The following GALNTL6 variants were observed in gnomAD, a reference collection of about 807,000 sequenced individuals.
GALNTL6 encodes the protein polypeptide N-acetylgalactosaminyltransferase like 6.
Under a neutral mutation model 73.7 loss-of-function variants are expected in GALNTL6, and 46 were observed. The ratio of observed to expected loss-of-function variants is 0.62; its 90% CI spans 0.49 to 0.80. GALNTL6 has a LOEUF of 0.80. Ranked by LOEUF, GALNTL6 falls within the 30% of genes least tolerant of loss-of-function variation. GALNTL6 has a pLI of 0.00. For missense variants in GALNTL6, 604 were observed against 755.0 expected (o/e 0.80, Z 2.34); for synonymous variants, 259 against 263.7 (o/e 0.98, Z 0.17).
At chr4:172,883,527 A>C (rs1485854778) in intron 8 of GALNTL6, among the ~76,000 whole-genome samples, 1 of 152,130 alleles carries the variant, frequency 6.6e-6, no homozygotes, top group Non-Finnish European at 1.5e-5. Flanking sequence ...ACACTTTTAA[A>C]CAACCAGATC....
chr4:171,953,268 GAA>G (rs1293166898), intron 2 of GALNTL6, among the ~76,000 whole-genome samples: 1 of 148,304 alleles, frequency 6.7e-6, no homozygotes, highest in Non-Finnish European at 1.5e-5. Context: ...GTGTGTGTAA[GAA>G]AAAAGAGTCA....
chr4:172,628,418 T>C (rs927751535), intron 5 of GALNTL6, among the ~76,000 whole-genome samples: 6 of 152,150 alleles, frequency 3.9e-5, no homozygotes, highest in African/African-American at 1.2e-4. Flanking sequence ...GGATTAAATT[T>C]TTTATCAAGT....
chr4:171,925,192 G>A (rs888655095), intron 2 of GALNTL6, among the ~76,000 whole-genome samples: 1 of 152,146 alleles, frequency 6.6e-6, no homozygotes, highest in Non-Finnish European at 1.5e-5. Context: ...CAGGAATCAG[G>A]TACTGGAGAG....
chr4:172,191,076 A>G (rs1735567148), intron 2 of GALNTL6, among the ~76,000 whole-genome samples: 1 of 152,232 alleles, frequency 6.6e-6, no homozygotes. Context: ...GCAACTCAGA[A>G]GAGATGTCTT....
chr4:172,037,057 A>G (rs1031557804), intron 2 of GALNTL6, among the ~76,000 whole-genome samples: 1 of 152,064 alleles, frequency 6.6e-6, no homozygotes, highest in Non-Finnish European at 1.5e-5. Context: ...ATGATTATAC[A>G]TTTCCTATTG....
At chr4:172,456,324 A>G (rs1411869931) in intron 5 of GALNTL6, among the ~76,000 whole-genome samples, 1 of 152,142 alleles carries the variant, frequency 6.6e-6, no homozygotes, top group Non-Finnish European at 1.5e-5. Flanking sequence ...CTTGCCAACA[A>G]GGAAACAAAA....
At chr4:172,378,976 T>C (rs1743155647) in intron 5 of GALNTL6, among the ~76,000 whole-genome samples, 1 of 152,234 alleles carries the variant, frequency 6.6e-6, no homozygotes, top group Non-Finnish European at 1.5e-5. Context: ...ATTTAGTCTT[T>C]TAGTTTATTT....
chr4:172,177,791 A>ATATATATACACACACATATATATGTG (rs1735075679), intron 2 of GALNTL6, among the ~76,000 whole-genome samples: 1 of 101,738 alleles, frequency 9.8e-6, no homozygotes, highest in African/African-American at 3.3e-5. Context: ...ACACATGTGT[A>ATATATATACACACACATATATATGTG]TATATATACA....
At chr4:172,209,246 T>C (rs1736244975) in intron 2 of GALNTL6, among the ~76,000 whole-genome samples, 1 of 152,088 alleles carries the variant, frequency 6.6e-6, no homozygotes, top group South Asian at 2.1e-4. Flanking sequence ...AGAGATTCTA[T>C]GAGATATTTT....
chr4:172,657,463 G>A (rs1731093705), intron 5 of GALNTL6, among the ~76,000 whole-genome samples: 1 of 152,200 alleles, frequency 6.6e-6, no homozygotes, highest in South Asian at 2.1e-4. Context: ...GTCTTTGTGA[G>A]TTTGTTTTTT....
intron 5 of GALNTL6, among the ~76,000 whole-genome samples, chr4:172,588,075 C>G (rs1737488954): frequency 6.6e-6 from 1 of 151,946 alleles, no homozygotes; most frequent in South Asian, 2.1e-4. Flanking sequence ...AGTAGACTAG[C>G]AAATTAAGCA....
Position 172,882,859 on chromosome 4 carries a change from TC to T in GALNTL6, c.995del (p.Pro332GlnfsTer3), listed in dbSNP as rs754644620. 2.5e-6 allele frequency: 4 copies of T among 1,612,758 alleles called. No homozygotes were observed. The highest frequency in any genetic ancestry group is 1.7e-6 in the Non-Finnish European group (2 of 1,178,920). ...GGTTTTGGGAATTGGGTGGCTATGA[TC>T]CAGGTTTAGAAATCTGGGGAGGAGA... ...KWFWELGGYD[P>X]GLEIWGGEQY... On this transcript the variant is annotated frameshift_variant, in exon 8 of 13. Coordinates refer to ENST00000506823, the MANE Select transcript of GALNTL6 (RefSeq NM_001034845.3). LOFTEE classifies it high-confidence loss of function.
intron 2 of GALNTL6, among the ~76,000 whole-genome samples, chr4:171,981,850 TCTTC>T (rs1479662204): frequency 6.6e-6 from 1 of 151,932 alleles, no homozygotes; most frequent in Non-Finnish European, 1.5e-5. Context: ...GATTTATTTC[TCTTC>T]CTTAATTCTA....
intron 5 of GALNTL6, among the ~76,000 whole-genome samples, chr4:172,553,626 A>T (rs1691860218): frequency 6.6e-6 from 1 of 152,194 alleles, no homozygotes; most frequent in Non-Finnish European, 1.5e-5. Flanking sequence ...AATAATTCTG[A>T]TTCATCATAA....
At chr4:172,641,188 T>A (rs1739957140) in intron 5 of GALNTL6, among the ~76,000 whole-genome samples, 1 of 152,114 alleles carries the variant, frequency 6.6e-6, no homozygotes, top group Admixed American at 6.6e-5. Flanking sequence ...ATTTCTGCAA[T>A]AGTTTCCCAG....
intron 7 of GALNTL6, among the ~76,000 whole-genome samples, chr4:172,878,750 G>C (rs941686619): frequency 6.6e-6 from 1 of 151,744 alleles, no homozygotes; most frequent in Non-Finnish European, 1.5e-5. Flanking sequence ...AGAAGAGAAA[G>C]AGGAAGATGA....
intron 5 of GALNTL6, among the ~76,000 whole-genome samples, chr4:172,471,733 T>C (rs917429643): frequency 6.6e-6 from 1 of 152,206 alleles, no homozygotes; most frequent in African/African-American, 2.4e-5. Context: ...ACTTGATATA[T>C]AATGATAAAG....
chr4:171,866,312 C>A (rs1735969404), intron 2 of GALNTL6, among the ~76,000 whole-genome samples: 1 of 150,892 alleles, frequency 6.6e-6, no homozygotes, highest in African/African-American at 2.4e-5. Flanking sequence ...AATTTTTTTT[C>A]TTAAATGCCA....
intron 8 of GALNTL6, among the ~76,000 whole-genome samples, chr4:172,897,040 G>C (rs1170373085): frequency 6.6e-6 from 1 of 152,298 alleles, no homozygotes. Context: ...GTGTGACAGA[G>C]GCTAGAACCA....
Sources: allele counts gnomAD v4.1 joint callset (sites outside exome capture counted in the v4.1 genomes callset), GRCh38; gene constraint gnomAD v4.1.1; transcripts MANE v1.5; gene names NCBI Gene and HGNC (gene_info 2026-07-23, HGNC 2026-07-21).